Variants in NLGN4X observed in about 807,000 individuals in gnomAD.
NLGN4X encodes neuroligin 4 X-linked, also known as neuroligin-4, X-linked.
NLGN4X carries 3 observed loss-of-function variants against 40.3 expected under a neutral mutation model. The observed-to-expected ratio is 0.07, with a 90% CI of 0.03 to 0.19. NLGN4X has a LOEUF of 0.19. Among genes scored for constraint, NLGN4X ranks in the 10% least tolerant of loss-of-function variants. The pLI, the probability that NLGN4X is intolerant of heterozygous loss-of-function variation, is 1.00. For missense variants in NLGN4X, 382 were observed against 708.3 expected, an observed-to-expected ratio of 0.54 and a Z score of 5.23; for synonymous variants, 270 against 306.8, an observed-to-expected ratio of 0.88 and a Z score of 1.25.
At chrX:6,206,517 T>G (rs1427237190) in intron 1 of NLGN4X, among the ~76,000 whole-genome samples, 1 of 112,122 alleles carries the variant, frequency 8.9e-6, no homozygotes, top group Admixed American at 9.5e-5. Context: ...GGCTTATGTC[T>G]CAGGAAACAG....
chrX:6,128,284 G>A (rs921734989), intron 2 of NLGN4X, among the ~76,000 whole-genome samples: 3 of 111,554 alleles, frequency 2.7e-5, no homozygotes, highest in Non-Finnish European at 3.8e-5. Flanking sequence ...CAGAGAATGC[G>A]CCAAGCTATC....
Position 5,891,598 on chromosome X carries a change from C to T in NLGN4X, c.*1219G>A. On this transcript the variant is annotated 3_prime_UTR_variant, in exon 6 of 6. Coordinates refer to ENST00000381095, the MANE Select transcript of NLGN4X (RefSeq NM_181332.3). ...GGGGCATAGCCCCACCAAAGGCAAG[C>T]TTTCTTCTTTTTTTGGCAGGGCCCT... 1 of 244,892 alleles carries T rather than the reference C, an allele frequency of 4.1e-6. No individual in the cohort carries two copies. The highest frequency in any genetic ancestry group is 4.5e-5 in the South Asian group (1 of 22,135). 20.2% of individuals were successfully genotyped at this position (244,892 alleles called of 1,213,427 possible). A position where few individuals can be genotyped will look rare whatever the true frequency, so the allele number is the denominator to read the frequency against.
intron 2 of NLGN4X, among the ~76,000 whole-genome samples, chrX:6,104,848 G>A (rs886985232): frequency 9.0e-6 from 1 of 110,661 alleles, no homozygotes; most frequent in Non-Finnish European, 1.9e-5. Flanking sequence ...TGGAGTTAGA[G>A]GTAGGAAAAC....
rs60281598 is a variant in NLGN4X, at chrX:6,050,776, C to CATCTATCTATCTATCTATCT, written c.473-21364_473-21345dup. ...ATTCACCCATGTCTGTCTGTCTGTC[C>CATCTATCTATCTATCTATCT]ATCTATCTATCTATCTATCTATCTA... is the stretch of plus-strand genomic sequence containing the variant. On this transcript the variant is annotated intron_variant, in intron 2 of 5. Transcript: ENST00000381095. Among the ~76,000 whole-genome samples, 132 of 103,398 alleles carry CATCTATCTATCTATCTATCT rather than the reference C, an allele frequency of 1.3e-3. 1 individual carries two copies. The highest frequency in any genetic ancestry group is 1.8e-3 in the African/African-American group (52 of 28,309). 89.8% of individuals were successfully genotyped at this position (103,398 alleles called of 115,157 possible). A position where few individuals can be genotyped will look rare whatever the true frequency, so the allele number is the denominator to read the frequency against.
intron 1 of NLGN4X, chrX:6,227,870 T>C (rs1926520759): frequency 9.3e-6 from 1 of 107,781 alleles, no homozygotes; most frequent in Admixed American, 9.8e-5. Flanking sequence ...AAGCCGGTTT[T>C]CCCTTTTTCT....
At chrX:6,068,928 A>C (rs2147355372) in intron 2 of NLGN4X, among the ~76,000 whole-genome samples, 1 of 112,720 alleles carries the variant, frequency 8.9e-6, no homozygotes, top group African/African-American at 3.2e-5. Context: ...CTGAAGAATT[A>C]AACTTGTAGT....
At position 6,221,391 on chromosome X, in the gene NLGN4X, T is replaced by TTATATATATA. The variant is rs60897428; in HGVS notation, c.-306+7140_-306+7149dup. Among the ~76,000 whole-genome samples the TTATATATATA allele has an allele frequency of 9.9e-3, 524 of 53,182 alleles. 4 individuals are homozygous for TTATATATATA. The highest frequency in any genetic ancestry group is 0.018 in the African/African-American group (236 of 13,177). The allele number at this position is 53,182 out of a possible 115,157, so 46.2% of individuals were successfully genotyped here. A position where few individuals can be genotyped will look rare whatever the true frequency, so the allele number is the denominator to read the frequency against. ...GAAAACCACATTTTTCCTTCTTATA[T>TTATATATATA]TATATATATATATATATATATATAT... On this transcript the variant is annotated intron_variant, in intron 1 of 5. Transcript: ENST00000381095.
intron 2 of NLGN4X, among the ~76,000 whole-genome samples, chrX:6,066,090 T>C (rs139389338): frequency 0.021 from 2,391 of 112,101 alleles, 58 homozygotes; most frequent in African/African-American, 0.07. Flanking sequence ...TAAGTATTTA[T>C]GGTTTAACAT....
chrX:6,059,913 T>C (rs1011671739), intron 2 of NLGN4X, among the ~76,000 whole-genome samples: 23 of 112,153 alleles, frequency 2.1e-4, no homozygotes, highest in African/African-American at 7.1e-4. Context: ...AAGTCTAATA[T>C]TTTAACAGTC....
intron 3 of NLGN4X, among the ~76,000 whole-genome samples, chrX:5,981,854 G>A (rs996143067): frequency 6.3e-5 from 7 of 111,040 alleles, no homozygotes; most frequent in African/African-American, 1.6e-4. Context: ...GGTAGCTAGC[G>A]TTATTGCTAT....
intron 2 of NLGN4X, among the ~76,000 whole-genome samples, chrX:6,073,701 C>T (rs1451349778): frequency 3.6e-5 from 4 of 110,619 alleles, no homozygotes; most frequent in Admixed American, 9.7e-5. Context: ...GCATTGGAAA[C>T]CAGGAAAGAG....
intron 1 of NLGN4X, among the ~76,000 whole-genome samples, chrX:6,197,443 G>GTTTTTTTTTTTTTTTTTTTTTTTTTTT (rs1602407338): frequency 1.2e-5 from 1 of 82,597 alleles, no homozygotes; most frequent in Non-Finnish European, 2.4e-5. Context: ...TTTTTTTTTT[G>GTTTTTTTTTTTTTTTTTTTTTTTTTTT]TATTTTTTAT....
At chrX:5,902,055 C>G (rs755853435) in intron 5 of NLGN4X, among the ~76,000 whole-genome samples, 1 of 110,015 alleles carries the variant, frequency 9.1e-6, no homozygotes. Context: ...GCTGTGATAT[C>G]CTTGCAAATT....
chrX:6,197,282 G>T (rs1270612585), intron 1 of NLGN4X, among the ~76,000 whole-genome samples: 5 of 110,392 alleles, frequency 4.5e-5, no homozygotes, highest in Non-Finnish European at 9.5e-5. Context: ...TCAGCCATTT[G>T]TACTCATATT....
At chrX:6,087,832 C>T (rs955439556) in intron 2 of NLGN4X, among the ~76,000 whole-genome samples, 2 of 112,193 alleles carry the variant, frequency 1.8e-5, no homozygotes, top group Admixed American at 1.9e-4. Flanking sequence ...AAGTTGATTT[C>T]ACTTTCTTTA....
At chrX:6,112,143 C>T (rs890904185) in intron 2 of NLGN4X, among the ~76,000 whole-genome samples, 1 of 111,560 alleles carries the variant, frequency 9.0e-6, no homozygotes, top group African/African-American at 3.3e-5. Flanking sequence ...CAGATTATTT[C>T]CTACAATCTG....
Position 6,062,560 on chromosome X carries a change from T to C in NLGN4X, c.473-33128A>G, listed in dbSNP as rs1293036108. Among the ~76,000 whole-genome samples the C allele has an allele frequency of 3.6e-5, 4 of 111,641 alleles. No individual in the cohort carries two copies. In the East Asian group the frequency reaches 1.1e-3, roughly 32 times the overall value. ...GGCATACTCTGATACTCTAGAAATG[T>C]GGATCTTACTGCTTGATATGGTTTG... On this transcript the variant is annotated intron_variant, in intron 2 of 5. Transcript: ENST00000381095.
intron 1 of NLGN4X, among the ~76,000 whole-genome samples, chrX:6,201,295 C>T (rs1165629521): frequency 2.7e-5 from 3 of 111,647 alleles, no homozygotes; most frequent in Non-Finnish European, 5.6e-5. Context: ...TGAGAAAAAG[C>T]AAGAAACCAA....
intron 3 of NLGN4X, among the ~76,000 whole-genome samples, chrX:5,966,325 G>A (rs751156915): frequency 1.8e-5 from 2 of 112,324 alleles, no homozygotes; most frequent in Non-Finnish European, 3.8e-5. Flanking sequence ...TGTAAACTTA[G>A]CTTAAATATT....
Sources: gnomAD v4.1 joint callset for allele counts (sites outside exome capture counted in the v4.1 genomes callset) on GRCh38, gnomAD v4.1.1 for gene constraint, MANE v1.5 for transcripts, NCBI Gene and HGNC (gene_info 2026-07-23, HGNC 2026-07-21) for gene names.